Variants in SYK observed in about 807,000 individuals in gnomAD.
The protein encoded by SYK is spleen associated tyrosine kinase.
SYK carries 16 observed loss-of-function variants against 77.8 expected under a neutral mutation model. The ratio of observed to expected loss-of-function variants is 0.21; its 90% CI spans 0.14 to 0.31. SYK has a LOEUF of 0.31. Among genes scored for constraint, SYK ranks in the 10% least tolerant of loss-of-function variants. The pLI is 1.00. For synonymous variants in SYK, 312 were observed against 308.7 expected, an observed-to-expected ratio of 1.01 and a Z score of -0.11; for missense variants, 529 against 814.4, an observed-to-expected ratio of 0.65 and a Z score of 4.26.
intron 1 of SYK, among the ~76,000 whole-genome samples, chr9:90,841,112 G>A (rs375044496): frequency 2.6e-5 from 4 of 151,600 alleles, no homozygotes; most frequent in African/African-American, 9.7e-5. Context: ...TGTGTGTGGT[G>A]TGTGTGCAGT....
chr9:90,820,048 G>A (rs911639373), intron 1 of SYK, among the ~76,000 whole-genome samples: 2 of 152,212 alleles, frequency 1.3e-5, no homozygotes, highest in African/African-American at 2.4e-5. Flanking sequence ...GCTCCAAGAT[G>A]ATCTCCTTTG....
At chr9:90,888,665 T>C in intron 13 of SYK, 38 bp downstream of exon 13, 1 of 1,444,310 alleles carries the variant, frequency 6.9e-7, no homozygotes, top group Non-Finnish European at 9.4e-7. Flanking sequence ...ATTCAGATGC[T>C]CTGGAAACAG....
rs1564120108 is a variant in SYK, at chr9:90,884,220, T to TACACATACGTGTATATATACAC, written c.1582-3528_1582-3527insCACATACGTGTATATATACACA. Among the ~76,000 whole-genome samples the TACACATACGTGTATATATACAC allele has an allele frequency of 2.4e-3, 79 of 32,338 alleles. 1 individual carries two copies. The highest frequency in any genetic ancestry group is 0.014 in the East Asian group (11 of 810). 21.2% of individuals were successfully genotyped at this position (32,338 alleles called of 152,430 possible). ...ACACATACGTGTATATATACACGCA[T>TACACATACGTGTATATATACAC]ATACACATACACATACGTGTATATA... On this transcript the variant is annotated intron_variant, in intron 11 of 13. Transcript: ENST00000375754.
intron 13 of SYK, among the ~76,000 whole-genome samples, chr9:90,889,446 G>C (rs1828706992): frequency 6.6e-6 from 1 of 152,180 alleles, no homozygotes; most frequent in African/African-American, 2.4e-5. Flanking sequence ...GCGGAATCAG[G>C]TTTGCCTTCA....
intron 1 of SYK, among the ~76,000 whole-genome samples, chr9:90,807,958 A>G (rs1314317869): frequency 1.3e-5 from 2 of 152,176 alleles, no homozygotes; most frequent in African/African-American, 4.8e-5. Context: ...TAATACCTTT[A>G]TCACTCTGGA....
intron 1 of SYK, among the ~76,000 whole-genome samples, chr9:90,824,004 G>GA (rs994855136): frequency 8.1e-5 from 11 of 135,098 alleles, no homozygotes; most frequent in South Asian, 2.3e-4. Flanking sequence ...CTTTAACCAA[G>GA]AAAAAAAAAA....
chr9:90,867,644 G>C (rs970704188), intron 7 of SYK, among the ~76,000 whole-genome samples: 7 of 152,172 alleles, frequency 4.6e-5, no homozygotes, highest in African/African-American at 1.7e-4. Flanking sequence ...GCACAGTGAG[G>C]TCAGGCAGTG....
At chr9:90,802,503 A>G (rs1826769301) in intron 1 of SYK, among the ~76,000 whole-genome samples, 1 of 152,210 alleles carries the variant, frequency 6.6e-6, no homozygotes. Flanking sequence ...TTACTTAGCC[A>G]ATGAACTTGG....
At chr9:90,849,482 T>G (rs1472125575) in intron 3 of SYK, among the ~76,000 whole-genome samples, 1 of 152,198 alleles carries the variant, frequency 6.6e-6, no homozygotes, top group Non-Finnish European at 1.5e-5. Context: ...TCCTGACATG[T>G]AGTAATACCA....
At chr9:90,852,999 G>A (rs561323565) in intron 3 of SYK, among the ~76,000 whole-genome samples, 1 of 152,156 alleles carries the variant, frequency 6.6e-6, no homozygotes, top group South Asian at 2.1e-4. Flanking sequence ...TCTTGATTTT[G>A]TTTTCATTTA....
intron 13 of SYK, among the ~76,000 whole-genome samples, chr9:90,890,990 G>GT (rs1418747323): frequency 6.6e-6 from 1 of 152,162 alleles, no homozygotes; most frequent in Non-Finnish European, 1.5e-5. Flanking sequence ...AAATGCAAGG[G>GT]TTTTATAGAC....
intron 3 of SYK, among the ~76,000 whole-genome samples, chr9:90,859,259 G>A (rs923539021): frequency 1.3e-5 from 2 of 152,194 alleles, no homozygotes; most frequent in African/African-American, 4.8e-5. Context: ...ACCACCTCCT[G>A]AACTCTTGTG....
chr9:90,818,994 T>C (rs573539116), intron 1 of SYK, among the ~76,000 whole-genome samples: 2 of 152,368 alleles, frequency 1.3e-5, no homozygotes, highest in African/African-American at 4.8e-5. Context: ...ACCTATGTTT[T>C]TGAGAGTAGC....
At chr9:90,849,118 T>C (rs1393083855) in intron 3 of SYK, among the ~76,000 whole-genome samples, 1 of 152,136 alleles carries the variant, frequency 6.6e-6, no homozygotes, top group Non-Finnish European at 1.5e-5. Context: ...TTTGGGCAAG[T>C]TGGGGGGGCT....
At chr9:90,876,754 C>G (rs561684344) in intron 9 of SYK, among the ~76,000 whole-genome samples, 4 of 152,312 alleles carry the variant, frequency 2.6e-5, no homozygotes, top group Middle Eastern at 3.4e-3. Context: ...CACAGCCCAT[C>G]TCTCCATTTA....
At chr9:90,877,445 A>G in intron 9 of SYK, 126 bp from the exon 10 acceptor site, 1 of 1,016,030 alleles carries the variant, frequency 9.8e-7, no homozygotes, top group Non-Finnish European at 1.5e-6. Context: ...CTGAAGACAC[A>G]TTGCCACTCT....
intron 11 of SYK, among the ~76,000 whole-genome samples, chr9:90,883,886 C>T (rs1828257799): frequency 6.6e-6 from 1 of 152,136 alleles, no homozygotes; most frequent in Non-Finnish European, 1.5e-5. Context: ...CCTACTAACA[C>T]CAGTGCTAGT....
chr9:90,826,139 G>A (rs1825658928), intron 1 of SYK, among the ~76,000 whole-genome samples: 1 of 152,218 alleles, frequency 6.6e-6, no homozygotes, highest in Non-Finnish European at 1.5e-5. Flanking sequence ...ACATTTGGAT[G>A]GGTTGACTAT....
chr9:90,806,390 C>CTT (rs879475874), intron 1 of SYK, among the ~76,000 whole-genome samples: 1 of 145,086 alleles, frequency 6.9e-6, no homozygotes, highest in African/African-American at 2.5e-5. Context: ...TGGGACTTTT[C>CTT]TTTTTTTTTT....
Sources: allele counts gnomAD v4.1 joint callset (sites outside exome capture counted in the v4.1 genomes callset), GRCh38; gene constraint gnomAD v4.1.1; transcripts MANE v1.5; gene names NCBI Gene and HGNC (gene_info 2026-07-23, HGNC 2026-07-21).